The following SLC24A2 variants were observed in gnomAD, a reference collection of about 807,000 sequenced individuals.
SLC24A2 encodes the protein solute carrier family 24 member 2, also known as sodium/potassium/calcium exchanger 2.
SLC24A2 carries 36 observed loss-of-function variants against 62.0 expected under a neutral mutation model. The observed-to-expected ratio is 0.58, with a 90% CI of 0.44 to 0.77. The LOEUF (loss-of-function observed/expected upper bound fraction) is 0.77. Among genes scored for constraint, SLC24A2 ranks in the 30% least tolerant of loss-of-function variants. The probability of loss-of-function intolerance (pLI) is 0.00; values close to 1 mark genes in which losing one functional copy is unlikely to be tolerated. For synonymous variants in SLC24A2, 358 were observed against 294.0 expected, an observed-to-expected ratio of 1.22 and a Z score of -2.23; for missense variants, 846 against 817.9, an observed-to-expected ratio of 1.03 and a Z score of -0.42.
intron 2 of SLC24A2, among the ~76,000 whole-genome samples, chr9:19,637,760 C>T (rs1003104578): frequency 1.3e-5 from 2 of 152,168 alleles, no homozygotes; most frequent in African/African-American, 4.8e-5. Context: ...GTAAAGACAG[C>T]GTTTACTCAG....
intron 2 of SLC24A2, among the ~76,000 whole-genome samples, chr9:19,664,626 G>C (rs542964385): frequency 2.8e-4 from 42 of 152,314 alleles, no homozygotes; most frequent in African/African-American, 8.4e-4. Flanking sequence ...AGTCTTTGAA[G>C]ATGTAATGAA....
At chr9:20,255,613 G>A in the SLC24A2 span, among the ~76,000 whole-genome samples, 271 of 151,292 alleles carry the variant, frequency 1.8e-3, 1 homozygote, top group African/African-American at 6.1e-3. Context: ...CTTTCCACAC[G>A]AGTCTATCTA....
At chr9:20,100,205 TTTTTTTTG>T in the SLC24A2 span, among the ~76,000 whole-genome samples, 19 of 150,118 alleles carry the variant, frequency 1.3e-4, no homozygotes, top group Admixed American at 1.2e-3. Flanking sequence ...TTTTTGTTTG[TTTTTTTTG>T]TTTTTTTGTT....
chr9:20,138,191 G>A, the SLC24A2 span, among the ~76,000 whole-genome samples: 1 of 152,310 alleles, frequency 6.6e-6, no homozygotes, highest in Admixed American at 6.5e-5. Context: ...CTCAAAGATG[G>A]CTGGTAAAAC....
chr9:20,104,047 A>G, the SLC24A2 span, among the ~76,000 whole-genome samples: 1 of 152,222 alleles, frequency 6.6e-6, no homozygotes, highest in Non-Finnish European at 1.5e-5. Flanking sequence ...AACTACATGA[A>G]GAATGCAGAA....
the SLC24A2 span, among the ~76,000 whole-genome samples, chr9:19,851,378 GC>G: frequency 2.0e-5 from 3 of 152,018 alleles, no homozygotes; most frequent in African/African-American, 4.8e-5. Context: ...TGCAGGATGT[GC>G]AGGTTTATTA....
the SLC24A2 span, among the ~76,000 whole-genome samples, chr9:20,204,221 T>A: frequency 2.7e-4 from 41 of 152,214 alleles, no homozygotes; most frequent in Non-Finnish European, 4.7e-4. Context: ...TAAAACCTTG[T>A]ACAGTTGAAT....
At chr9:20,060,873 T>C in the SLC24A2 span, among the ~76,000 whole-genome samples, 3 of 152,148 alleles carry the variant, frequency 2.0e-5, no homozygotes, top group South Asian at 2.1e-4. Flanking sequence ...CAAAACTTAA[T>C]TGTATTTCTA....
At chr9:19,561,137 C>T (rs949645049) in intron 7 of SLC24A2, among the ~76,000 whole-genome samples, 4 of 151,336 alleles carry the variant, frequency 2.6e-5, no homozygotes, top group Non-Finnish European at 5.9e-5. Context: ...ACCATGTTGG[C>T]CAGGCTGGTC....
At chr9:20,029,030 AAGCC>A in the SLC24A2 span, among the ~76,000 whole-genome samples, 1 of 152,280 alleles carries the variant, frequency 6.6e-6, no homozygotes, top group Non-Finnish European at 1.5e-5. Context: ...TGAACCTCTC[AAGCC>A]AGACTACACA....
the SLC24A2 span, among the ~76,000 whole-genome samples, chr9:20,049,827 G>A: frequency 6.6e-6 from 1 of 152,024 alleles, no homozygotes; most frequent in East Asian, 1.9e-4. Context: ...AGCTAGAAAC[G>A]CACTGCATCT....
At chr9:19,674,950 G>C (rs112456689) in intron 2 of SLC24A2, among the ~76,000 whole-genome samples, 5 of 152,236 alleles carry the variant, frequency 3.3e-5, no homozygotes, top group African/African-American at 1.2e-4. Flanking sequence ...CATATTACCA[G>C]GATTGTTTTT....
chr9:20,299,565 T>G, the SLC24A2 span, among the ~76,000 whole-genome samples: 1 of 152,186 alleles, frequency 6.6e-6, no homozygotes, highest in East Asian at 1.9e-4. Flanking sequence ...TGGCTATCAT[T>G]AGCCAGGAAG....
the SLC24A2 span, among the ~76,000 whole-genome samples, chr9:20,014,853 T>C: frequency 1.3e-5 from 2 of 152,280 alleles, no homozygotes; most frequent in East Asian, 3.9e-4. Flanking sequence ...CTATGTATTA[T>C]ATATTTCAAA....
chr9:19,690,912 T>TGA lies in SLC24A2; in HGVS notation c.931-68614_931-68613insTC, dbSNP rs1437424458. On this transcript the variant is annotated intron_variant, in intron 2 of 10. Transcript: ENST00000341998. ...CACTAAGGGAGGCGTATTGTGTGTG[T>TGA]GCGTGTGAGAGAGAGAGAGAGAGAC... Among the ~76,000 whole-genome samples the TGA allele has an allele frequency of 1.1e-4, 15 of 132,164 alleles. No homozygotes were observed. The East Asian group carries it at 2.4e-3, about 21-fold the overall frequency. 86.7% of individuals were successfully genotyped at this position (132,164 alleles called of 152,430 possible). A position where few individuals can be genotyped will look rare whatever the true frequency, so the allele number is the denominator to read the frequency against.
intron 9 of SLC24A2, among the ~76,000 whole-genome samples, chr9:19,523,080 G>GTT (rs1833275407): frequency 6.6e-6 from 1 of 152,230 alleles, no homozygotes; most frequent in Non-Finnish European, 1.5e-5. Flanking sequence ...CTACTCGGGG[G>GTT]TTGAGGCACG....
chr9:19,518,764 G>A (rs570709252), intron 10 of SLC24A2, among the ~76,000 whole-genome samples: 1 of 151,984 alleles, frequency 6.6e-6, no homozygotes, highest in Non-Finnish European at 1.5e-5. Flanking sequence ...GTTAATTTTA[G>A]AAGCATAAAG....
chr9:19,680,903 T>A (rs935855761), intron 2 of SLC24A2, among the ~76,000 whole-genome samples: 1 of 151,196 alleles, frequency 6.6e-6, no homozygotes, highest in Non-Finnish European at 1.5e-5. Flanking sequence ...GCACTCAGAA[T>A]CTGACCACTT....
chr9:20,287,048 C>T, the SLC24A2 span, among the ~76,000 whole-genome samples: 29 of 152,244 alleles, frequency 1.9e-4, no homozygotes, highest in Admixed American at 6.5e-4. Context: ...AGTAGAGGCC[C>T]GGAGGTCTGC....
Sources: allele counts gnomAD v4.1 joint callset (sites outside exome capture counted in the v4.1 genomes callset), GRCh38; gene constraint gnomAD v4.1.1; transcripts MANE v1.5; gene names NCBI Gene and HGNC (gene_info 2026-07-23, HGNC 2026-07-21).